RSPO2: variants seen among roughly 807,000 people sequenced by gnomAD.
RSPO2 encodes R-spondin 2.
In RSPO2, 14 loss-of-function variants were observed where a neutral mutation model predicts 30.9. That is an observed-to-expected ratio of 0.45 (90% CI 0.30 to 0.71). The LOEUF is 0.71. Ranked by LOEUF, RSPO2 falls within the 30% of genes least tolerant of loss-of-function variation. RSPO2 has a pLI of 0.08. For synonymous variants in RSPO2, 107 were observed against 96.4 expected, an observed-to-expected ratio of 1.11 and a Z score of -0.64; for missense variants, 264 against 301.9, an observed-to-expected ratio of 0.87 and a Z score of 0.93.
At chr8:108,020,731 T>A (rs1194790379) in intron 2 of RSPO2, among the ~76,000 whole-genome samples, 4 of 152,150 alleles carry the variant, frequency 2.6e-5, no homozygotes, top group African/African-American at 7.2e-5. Context: ...CCCTAACCTA[T>A]AAAGGAACAT....
intron 2 of RSPO2, among the ~76,000 whole-genome samples, chr8:108,075,572 A>T (rs1417521274): frequency 1.3e-5 from 2 of 152,138 alleles, no homozygotes; most frequent in Non-Finnish European, 2.9e-5. Flanking sequence ...TCATTCAAAT[A>T]ACAAACAAGT....
intron 2 of RSPO2, among the ~76,000 whole-genome samples, chr8:108,008,595 TGTC>T (rs1815539869): frequency 1.3e-5 from 2 of 152,306 alleles, no homozygotes; most frequent in Admixed American, 6.5e-5. Flanking sequence ...AAAATATTGA[TGTC>T]ATCATATAAG....
intron 2 of RSPO2, among the ~76,000 whole-genome samples, chr8:108,042,050 G>A (rs768501323): frequency 1.3e-5 from 2 of 152,094 alleles, no homozygotes; most frequent in Admixed American, 6.5e-5. Flanking sequence ...TCTAAGTGAT[G>A]GTAAGGAACA....
intron 2 of RSPO2, among the ~76,000 whole-genome samples, chr8:107,998,524 G>A (rs960374788): frequency 1.3e-5 from 2 of 152,102 alleles, no homozygotes; most frequent in South Asian, 2.1e-4. Context: ...GATTGTGAAT[G>A]TAAAGACAAC....
intron 5 of RSPO2, among the ~76,000 whole-genome samples, chr8:107,932,072 G>A (rs989056192): frequency 3.9e-5 from 6 of 152,094 alleles, no homozygotes; most frequent in African/African-American, 1.2e-4. Flanking sequence ...ATATAGGTGC[G>A]TAATTGGTTG....
At chr8:108,003,314 T>TA (rs1815342808) in intron 2 of RSPO2, among the ~76,000 whole-genome samples, 1 of 22,452 alleles carries the variant, frequency 4.5e-5, no homozygotes. Flanking sequence ...TATATATATT[T>TA]TTTTTTTTTT....
At chr8:107,921,252 G>C (rs1006871885) in intron 5 of RSPO2, among the ~76,000 whole-genome samples, 2 of 148,998 alleles carry the variant, frequency 1.3e-5, no homozygotes, top group African/African-American at 5.0e-5. Flanking sequence ...TAAGACTATA[G>C]AAAATCGTTT....
At chr8:107,911,771 TGGCA>T (rs1367102764) in intron 5 of RSPO2, among the ~76,000 whole-genome samples, 4 of 152,180 alleles carry the variant, frequency 2.6e-5, no homozygotes, top group African/African-American at 9.6e-5. Context: ...AACCAACATC[TGGCA>T]GATTCTAAAA....
chr8:108,055,303 T>C (rs752591894), intron 2 of RSPO2, among the ~76,000 whole-genome samples: 71 of 151,904 alleles, frequency 4.7e-4, no homozygotes, highest in Middle Eastern at 3.4e-3. Flanking sequence ...AGAAGCCCAA[T>C]AGGACTGAGA....
At chr8:107,987,852 C>G (rs575014155) in intron 3 of RSPO2, among the ~76,000 whole-genome samples, 1 of 152,228 alleles carries the variant, frequency 6.6e-6, no homozygotes, top group Non-Finnish European at 1.5e-5. Context: ...TAGACACATA[C>G]ACAGTGTGTT....
At chr8:108,045,723 T>C (rs984391499) in intron 2 of RSPO2, among the ~76,000 whole-genome samples, 1 of 152,154 alleles carries the variant, frequency 6.6e-6, no homozygotes, top group East Asian at 1.9e-4. Context: ...CATTAAAAGA[T>C]AGCCATCTTG....
intron 5 of RSPO2, among the ~76,000 whole-genome samples, chr8:107,944,286 T>C (rs774761050): frequency 5.9e-5 from 9 of 152,192 alleles, no homozygotes; most frequent in Non-Finnish European, 1.5e-5. Flanking sequence ...TAAAATGTTA[T>C]AGGGGCAATT....
intron 2 of RSPO2, among the ~76,000 whole-genome samples, chr8:108,035,897 G>C (rs1406171212): frequency 6.6e-6 from 1 of 151,996 alleles, no homozygotes; most frequent in Non-Finnish European, 1.5e-5. Context: ...TTTCAGGTTT[G>C]GGAACCACCA....
intron 2 of RSPO2, among the ~76,000 whole-genome samples, chr8:108,031,125 T>C (rs1811404959): frequency 6.6e-6 from 1 of 152,210 alleles, no homozygotes; most frequent in South Asian, 2.1e-4. Flanking sequence ...TGCATCTAAG[T>C]TACATTTCTA....
intron 2 of RSPO2, among the ~76,000 whole-genome samples, chr8:108,013,192 G>A (rs1463165089): frequency 3.9e-5 from 6 of 152,200 alleles, no homozygotes; most frequent in African/African-American, 1.4e-4. Context: ...TGTAACCCTT[G>A]ATCAATACTA....
intron 5 of RSPO2, among the ~76,000 whole-genome samples, chr8:107,937,620 A>AAAG (rs1479139355): frequency 4.6e-5 from 7 of 151,494 alleles, no homozygotes; most frequent in Non-Finnish European, 8.8e-5. Context: ...TGAAGGAAAA[A>AAAG]AAAAAAGAGC....
intron 2 of RSPO2, among the ~76,000 whole-genome samples, chr8:108,065,270 C>T (rs1183602940): frequency 7.1e-6 from 1 of 141,060 alleles, no homozygotes; most frequent in East Asian, 2.0e-4. Flanking sequence ...GTACATTCTG[C>T]ACATGTATCT....
chr8:107,909,698 C>A (rs1811761906), intron 5 of RSPO2, among the ~76,000 whole-genome samples: 1 of 152,158 alleles, frequency 6.6e-6, no homozygotes, highest in South Asian at 2.1e-4. Flanking sequence ...ACTCTGAAAC[C>A]CTGTATGAAC....
At position 108,064,618 on chromosome 8, in the gene RSPO2, T is replaced by C. The variant is rs569483356; in HGVS notation, c.94+17927A>G. 2.8e-3 allele frequency among the ~76,000 whole-genome samples: 433 copies of C among 152,322 alleles called. 1 individual carries two copies. Among genetic ancestry groups the C allele is most frequent in the African/African-American group, 8.2e-3 (341 of 41,586 alleles). On this transcript the variant is annotated intron_variant, in intron 2 of 5. Transcript: ENST00000276659. ...ACCATTGTGGAAGTCAGTGTGGTGA[T>C]TCCTCAAGGATCTAGAACTAGAAAT...
Sources: gnomAD v4.1 joint callset for allele counts (sites outside exome capture counted in the v4.1 genomes callset) on GRCh38, gnomAD v4.1.1 for gene constraint, MANE v1.5 for transcripts, NCBI Gene and HGNC (gene_info 2026-07-23, HGNC 2026-07-21) for gene names.